Variants in STK3 observed in about 807,000 individuals in gnomAD.
STK3 encodes the protein serine/threonine-protein kinase 3.
Under a neutral mutation model 58.0 loss-of-function variants are expected in STK3, and 41 were observed. That is an observed-to-expected ratio of 0.71 (90% CI 0.55 to 0.92). The LOEUF (loss-of-function observed/expected upper bound fraction) is 0.92. Ranked by LOEUF, STK3 falls within the 40% of genes least tolerant of loss-of-function variation. The probability of loss-of-function intolerance (pLI) is 0.00; values close to 1 mark genes in which losing one functional copy is unlikely to be tolerated. For synonymous variants in STK3, 170 were observed against 191.0 expected (o/e 0.89, Z 0.91); for missense variants, 479 against 602.7 (o/e 0.79, Z 2.15).
rs553503216 is a variant in STK3, at chr8:98,520,242, A to T, written c.1317+6500T>A. On this transcript the variant is annotated intron_variant, in intron 10 of 10. Transcript: ENST00000419617. ...TAACTTTTTTCCGGTAGGGTTAAAA[A>T]TAATTCAATTAGCCCAAATATATTT... 5.3e-5 allele frequency among the ~76,000 whole-genome samples: 8 copies of T among 152,322 alleles called. No homozygotes were observed. The South Asian group carries it at 1.7e-3, about 32-fold the overall frequency.
chr8:98,712,465 A>T (rs956876494), intron 4 of STK3, among the ~76,000 whole-genome samples: 1 of 151,820 alleles, frequency 6.6e-6, no homozygotes, highest in Non-Finnish European at 1.5e-5. Context: ...GAAAACAAAA[A>T]AAGGCAGGGG....
At chr8:98,374,613 C>T (rs1281966862) in intron 2 of STK3, among the ~76,000 whole-genome samples, 1 of 152,182 alleles carries the variant, frequency 6.6e-6, no homozygotes, top group African/African-American at 2.4e-5. Context: ...AGAGCAAATG[C>T]TTCTTCCTCA....
intron 6 of STK3, among the ~76,000 whole-genome samples, chr8:98,628,365 A>T (rs180972168): frequency 6.6e-6 from 1 of 152,316 alleles, no homozygotes; most frequent in East Asian, 1.9e-4. Flanking sequence ...AAGACTCTGT[A>T]GATTACTCAT....
chr8:98,917,980 G>A (rs925968221), intron 1 of STK3, among the ~76,000 whole-genome samples: 1 of 152,136 alleles, frequency 6.6e-6, no homozygotes, highest in Non-Finnish European at 1.5e-5. Context: ...TAACAATAAA[G>A]GTAAGTGTTC....
chr8:98,467,814 CTT>C (rs1047101677), intron 10 of STK3, among the ~76,000 whole-genome samples: 1 of 152,100 alleles, frequency 6.6e-6, no homozygotes, highest in African/African-American at 2.4e-5. Flanking sequence ...ATAGTTGACT[CTT>C]TGAGGAAACA....
chr8:98,834,641 C>T (rs1835681514), intron 3 of STK3, among the ~76,000 whole-genome samples: 1 of 152,196 alleles, frequency 6.6e-6, no homozygotes. Flanking sequence ...CCATTTTCCC[C>T]CGTGTCTTCA....
intron 3 of STK3, among the ~76,000 whole-genome samples, chr8:98,749,618 G>A (rs1716423331): frequency 6.6e-6 from 1 of 151,978 alleles, no homozygotes; most frequent in Non-Finnish European, 1.5e-5. Context: ...AGGCCCAAAT[G>A]TTTTGAGTGA....
intron 10 of STK3, among the ~76,000 whole-genome samples, chr8:98,506,547 C>T (rs1824097098): frequency 6.6e-6 from 1 of 152,028 alleles, no homozygotes; most frequent in Admixed American, 6.5e-5. Flanking sequence ...ATCCATGTCT[C>T]TACTAATAAT....
chr8:98,596,804 C>T (rs778118533), intron 6 of STK3, among the ~76,000 whole-genome samples: 33 of 151,762 alleles, frequency 2.2e-4, no homozygotes, highest in Non-Finnish European at 4.0e-4. Flanking sequence ...AAGAGTCCAT[C>T]TCATCTCTCG....
At chr8:98,392,649 G>A (rs1409085237), upstream of STK3, among the ~76,000 whole-genome samples, 2 of 152,192 alleles carry the variant, frequency 1.3e-5, no homozygotes, top group Non-Finnish European at 2.9e-5. Flanking sequence ...GGGGTCCAGG[G>A]ATCCCTAGAG....
intron 3 of STK3, among the ~76,000 whole-genome samples, chr8:98,760,772 A>G (rs1830569024): frequency 6.7e-6 from 1 of 149,840 alleles, no homozygotes; most frequent in African/African-American, 2.5e-5. Flanking sequence ...TAATGATCAC[A>G]TCCTTTCCAT....
At chr8:98,700,669 C>A (rs1478473909) in intron 6 of STK3, among the ~76,000 whole-genome samples, 1 of 152,190 alleles carries the variant, frequency 6.6e-6, no homozygotes, top group Non-Finnish European at 1.5e-5. Flanking sequence ...ATTTACACAT[C>A]TTTTTTTAAA....
chr8:98,896,566 C>G (rs566250754), intron 1 of STK3, among the ~76,000 whole-genome samples: 1 of 152,314 alleles, frequency 6.6e-6, no homozygotes, highest in Non-Finnish European at 1.5e-5. Context: ...AAAATTTCCA[C>G]TTGTCATTCT....
At chr8:98,470,877 G>A (rs1258274060) in intron 10 of STK3, among the ~76,000 whole-genome samples, 4 of 152,168 alleles carry the variant, frequency 2.6e-5, no homozygotes, top group African/African-American at 7.2e-5. Flanking sequence ...TAACAATTTC[G>A]TAAAATCTTT....
chr8:98,491,313 A>C (rs1043140709), intron 10 of STK3, among the ~76,000 whole-genome samples: 4 of 152,202 alleles, frequency 2.6e-5, no homozygotes, highest in African/African-American at 9.7e-5. Context: ...TGATGAAACC[A>C]ATATCTGTTC....
At chr8:98,827,654 T>C (rs754124055), upstream of STK3, among the ~76,000 whole-genome samples, 3 of 150,172 alleles carry the variant, frequency 2.0e-5, no homozygotes, top group Non-Finnish European at 4.5e-5. Context: ...AGAAAAAGGG[T>C]TTTTTTTGTT....
At chr8:98,448,398 G>A (rs981493038) in intron 1 of STK3, among the ~76,000 whole-genome samples, 16 of 152,086 alleles carry the variant, frequency 1.1e-4, no homozygotes, top group Non-Finnish European at 2.1e-4. Flanking sequence ...AAAGACTTCT[G>A]TTCCAAGTGC....
intron 3 of STK3, chr8:98,431,399 A>C (rs920648644): frequency 6.0e-6 from 1 of 167,106 alleles, no homozygotes; most frequent in Non-Finnish European, 1.5e-5. Flanking sequence ...GCAACTGGGC[A>C]CTGAATCAGA....
intron 2 of STK3, among the ~76,000 whole-genome samples, chr8:98,771,919 T>G (rs1054096304): frequency 1.1e-4 from 16 of 152,126 alleles, no homozygotes; most frequent in African/African-American, 3.9e-4. Context: ...TTTTTCTATC[T>G]CATTAATTTC....
Sources: gnomAD v4.1 joint callset for allele counts (sites outside exome capture counted in the v4.1 genomes callset) on GRCh38, gnomAD v4.1.1 for gene constraint, MANE v1.5 for transcripts, NCBI Gene and HGNC (gene_info 2026-07-23, HGNC 2026-07-21) for gene names.